GDA: variants seen among roughly 807,000 people sequenced by gnomAD.
GDA encodes cytoplasmic PSD-95 interactor.
In GDA, 18 loss-of-function variants were observed where a neutral mutation model predicts 59.6. The ratio of observed to expected loss-of-function variants is 0.30; its 90% confidence interval spans 0.21 to 0.45. The LOEUF is 0.45. Ranked by LOEUF, GDA falls within the 20% of genes least tolerant of loss-of-function variation. GDA has a pLI of 1.00. For synonymous variants in GDA, 201 were observed against 201.1 expected (o/e 1.00, Z 0.00); for missense variants, 427 against 552.3 (o/e 0.77, Z 2.27).
chr9:72,133,644 G>A (rs1826116641), intron 1 of GDA, among the ~76,000 whole-genome samples: 1 of 152,192 alleles, frequency 6.6e-6, no homozygotes, highest in Admixed American at 6.5e-5. Context: ...CCTGGGCAGA[G>A]TAGATGTTCA....
At chr9:72,151,448 C>T (rs1001062535) in intron 1 of GDA, among the ~76,000 whole-genome samples, 6 of 152,180 alleles carry the variant, frequency 3.9e-5, no homozygotes, top group African/African-American at 1.4e-4. Context: ...CAAAACTTGA[C>T]ATCCCCCATT....
intron 3 of GDA, among the ~76,000 whole-genome samples, chr9:72,205,169 C>A (rs1488199106): frequency 6.7e-6 from 1 of 149,904 alleles, no homozygotes; most frequent in Non-Finnish European, 1.5e-5. Context: ...TCTTATGTGT[C>A]TGATAATGAA....
intron 4 of GDA, among the ~76,000 whole-genome samples, chr9:72,211,092 AACTTT>A (rs2131433037): frequency 6.6e-6 from 1 of 152,282 alleles, no homozygotes; most frequent in South Asian, 2.1e-4. Flanking sequence ...TTTTTAGGGA[AACTTT>A]ACTAATTCTA....
intron 1 of GDA, among the ~76,000 whole-genome samples, chr9:72,186,337 C>A (rs1188157767): frequency 1.3e-5 from 2 of 152,112 alleles, no homozygotes; most frequent in Non-Finnish European, 2.9e-5. Context: ...TCTGGTGTTT[C>A]AGAACCTGCC....
intron 5 of GDA, among the ~76,000 whole-genome samples, chr9:72,215,463 T>A (rs182383558): frequency 6.6e-6 from 1 of 152,312 alleles, no homozygotes; most frequent in East Asian, 1.9e-4. Flanking sequence ...TTGTTCTGGA[T>A]GTATGCTGTA....
At chr9:72,243,088 A>T (rs1482466548) in intron 11 of GDA, among the ~76,000 whole-genome samples, 1 of 152,106 alleles carries the variant, frequency 6.6e-6, no homozygotes, top group East Asian at 1.9e-4. Flanking sequence ...TCTGTATTTA[A>T]AGTGTGGCAT....
intron 1 of GDA, among the ~76,000 whole-genome samples, chr9:72,161,139 C>T (rs973088846): frequency 6.6e-6 from 1 of 151,920 alleles, no homozygotes; most frequent in African/African-American, 2.4e-5. Flanking sequence ...AACTCCTGAC[C>T]TCAGGTGATC....
At chr9:72,203,237 G>A (rs901074872) in intron 3 of GDA, among the ~76,000 whole-genome samples, 4 of 152,106 alleles carry the variant, frequency 2.6e-5, no homozygotes, top group Non-Finnish European at 5.9e-5. Flanking sequence ...GCACATGGTG[G>A]GAGCTCTATT....
At chr9:72,116,631 T>G (rs1825459874) in intron 1 of GDA, among the ~76,000 whole-genome samples, 1 of 152,024 alleles carries the variant, frequency 6.6e-6, no homozygotes, top group African/African-American at 2.4e-5. Context: ...GTGATCCACC[T>G]GCCTCGGCCT....
chr9:72,199,439 T>C (rs1833653104), intron 2 of GDA, among the ~76,000 whole-genome samples: 1 of 152,246 alleles, frequency 6.6e-6, no homozygotes, highest in African/African-American at 2.4e-5. Flanking sequence ...CTGAAGACTT[T>C]GTACTCTGAA....
intron 1 of GDA, among the ~76,000 whole-genome samples, chr9:72,158,010 TC>T (rs893249370): frequency 1.3e-5 from 2 of 152,202 alleles, no homozygotes; most frequent in Admixed American, 6.5e-5. Context: ...CCTTTTTATA[TC>T]CCCATTTCCA....
intron 1 of GDA, among the ~76,000 whole-genome samples, chr9:72,144,183 A>G (rs532369313): frequency 2.0e-5 from 3 of 152,272 alleles, no homozygotes; most frequent in Admixed American, 1.3e-4. Flanking sequence ...GATGGTGTCA[A>G]TGCACTCCAG....
Position 72,199,270 on chromosome 9 carries a change from A to G in GDA, c.213-3301A>G, listed in dbSNP as rs1359310689. Among the ~76,000 whole-genome samples the G allele has an allele frequency of 2.6e-5, 4 of 152,130 alleles. No individual in the cohort carries two copies. The East Asian group carries it at 5.8e-4, about 22-fold the overall frequency. On this transcript the variant is annotated intron_variant, in intron 2 of 13. Coordinates refer to ENST00000358399, the MANE Select transcript of GDA (RefSeq NM_004293.5). ...ACATTCCATGCTTCTGTGTGTACCAATATTATCTGTAATTAATCCTGGACT... is the reference window on the plus strand; with the variant it reads ...ACATTCCATGCTTCTGTGTGTACCAGTATTATCTGTAATTAATCCTGGACT...
chr9:72,212,176 G>T lies in GDA; in HGVS notation c.472+1402G>T, dbSNP rs74912619. On this transcript the variant is annotated intron_variant, in intron 4 of 13. Coordinates refer to ENST00000358399, the MANE Select transcript of GDA (RefSeq NM_004293.5). ...GTAAAATTCCTCACAGATAATATTG[G>T]CATTGTTTCAGTTAAGAATAGTATG... Among the ~76,000 whole-genome samples, 460 of 152,202 alleles carry T rather than the reference G, an allele frequency of 3.0e-3. 4 individuals are homozygous for T. The highest frequency in any genetic ancestry group is 0.011 in the African/African-American group (436 of 41,518).
chr9:72,149,348 G>A (rs1587344450), upstream of GDA: 2 of 548,014 alleles, frequency 3.6e-6, no homozygotes, highest in South Asian at 2.3e-5. Flanking sequence ...GCCAACTCGC[G>A]GGAGAAAAAT....
intron 4 of GDA, among the ~76,000 whole-genome samples, chr9:72,213,411 T>G (rs1160935338): frequency 6.6e-6 from 1 of 152,216 alleles, no homozygotes; most frequent in East Asian, 1.9e-4. Context: ...GTGGTGGTTC[T>G]TGTTCTTAAG....
chr9:72,159,130 A>G (rs62561975), intron 1 of GDA, among the ~76,000 whole-genome samples: 3,550 of 152,266 alleles, frequency 0.023, 85 homozygotes, highest in Middle Eastern at 0.048. Context: ...TGGTCAGTAA[A>G]GTGTGTTGAA....
intron 1 of GDA, among the ~76,000 whole-genome samples, chr9:72,153,880 G>T (rs1342219780): frequency 2.7e-5 from 4 of 149,398 alleles, no homozygotes; most frequent in African/African-American, 9.9e-5. Flanking sequence ...GAGTTAATGG[G>T]TGCAGCACAC....
chr9:72,203,996 T>C lies in GDA; in HGVS notation c.384+1254T>C, dbSNP rs369982867. On this transcript the variant is annotated intron_variant, in intron 3 of 13. Transcript: ENST00000358399. ...CACACCCAGCTAATTTTTCTATTTTTAGTAGAGACGGGGTTTCACCATATT... is the reference window on the plus strand; with the variant it reads ...CACACCCAGCTAATTTTTCTATTTTCAGTAGAGACGGGGTTTCACCATATT... Among the ~76,000 whole-genome samples, 53 of 152,214 alleles carry C rather than the reference T, an allele frequency of 3.5e-4. 1 individual carries two copies. In the East Asian group the frequency reaches 5.6e-3, roughly 16 times the overall value.
Sources: allele counts gnomAD v4.1 joint callset (sites outside exome capture counted in the v4.1 genomes callset), GRCh38; gene constraint gnomAD v4.1.1; transcripts MANE v1.5; gene names NCBI Gene and HGNC (gene_info 2026-07-23, HGNC 2026-07-21).